Variants in MEG3 observed in about 807,000 individuals in gnomAD.
MEG3 encodes Very putative protein from MEG3 locus.
At chr14:100,832,090 A>AT (rs2037411477), downstream of MEG3, 1 of 148,762 alleles carries the variant, frequency 6.7e-6, no homozygotes, top group Admixed American at 6.9e-5. Flanking sequence ...GGAGAAGAGA[A>AT]TAACTAAACA....
In MEG3 at chr14:100,837,863, C is replaced by G. The variant is rs2037636326; in HGVS notation, n.3045+1563C>G. On this transcript the variant is annotated intron_variant and non_coding_transcript_variant, in intron 2 of 3. Coordinates refer to the MEG3 transcript ENST00000398461. The surrounding 1 kb of genome is among the most constrained non-coding windows in gnomAD (Gnocchi z 5.8). ...GAGGCGCTCTAACCTGGGGCTGTTG[C>G]CTTTGTCTGCTTGTTTCTGCTCTCT... Among the ~76,000 whole-genome samples the G allele has an allele frequency of 6.6e-6, 1 of 151,928 alleles. No homozygotes were observed.
At chr14:100,834,456 C>T (rs773847099) in exon 1 of MEG3, 8 of 312,784 alleles carry the variant, frequency 2.6e-5, no homozygotes, top group Non-Finnish European at 4.4e-5. Flanking sequence ...CCCACGTCCC[C>T]ATCCTGCTTG....
At chr14:100,842,254 T>A (rs1172269090) in intron 2 of MEG3, among the ~76,000 whole-genome samples, 1 of 152,146 alleles carries the variant, frequency 6.6e-6, no homozygotes, top group Non-Finnish European at 1.5e-5. Flanking sequence ...CCTCCGCCAC[T>A]CCATCCATTA....
rs557929585 is a variant in MEG3, at chr14:100,837,231, G to A, written n.3045+931G>A. ...GAAGTTTGGGCTGGCAGGAAGAGAG[G>A]AGGCTCAGCTGAGGCCACTTTCCTT... On this transcript the variant is annotated intron_variant and non_coding_transcript_variant, in intron 2 of 3. Coordinates refer to the MEG3 transcript ENST00000398461. The surrounding 1 kb of genome is among the most constrained non-coding windows in gnomAD (Gnocchi z 5.8). 2.6e-5 allele frequency among the ~76,000 whole-genome samples: 4 copies of A among 152,332 alleles called. No homozygotes were observed. In the East Asian group the frequency reaches 7.7e-4, roughly 29 times the overall value.
rs533175216 is a variant in MEG3, at chr14:100,837,544, C to G, written n.3045+1244C>G. ...CCAGATGCCAATACTCCCCTCTGGA[C>G]GCCCACGAATGGGGTCTCTGAGAAG... is the stretch of plus-strand genomic sequence containing the variant. On this transcript the variant is annotated intron_variant and non_coding_transcript_variant, in intron 2 of 3. Coordinates refer to the MEG3 transcript ENST00000398461. The surrounding 1 kb of genome is among the most constrained non-coding windows in gnomAD (Gnocchi z 5.8). 2.6e-5 allele frequency among the ~76,000 whole-genome samples: 4 copies of G among 152,192 alleles called. No homozygotes were observed. In the South Asian group the frequency reaches 8.3e-4, roughly 32 times the overall value.
At chr14:100,827,246 G>T (rs1240510823) in intron 1 of MEG3, among the ~76,000 whole-genome samples, 2 of 152,074 alleles carry the variant, frequency 1.3e-5, no homozygotes, top group East Asian at 3.9e-4. Flanking sequence ...GGCCTGGTGG[G>T]GGCGCAGGCG....
chr14:100,850,988 G>A (rs2038054841), intron 3 of MEG3: 1 of 152,542 alleles, frequency 6.6e-6, no homozygotes, highest in Non-Finnish European at 1.5e-5. Flanking sequence ...CATGTCATGT[G>A]CTTGTCACAT....
At chr14:100,834,584 C>T (rs546403765) in exon 1 of MEG3, 2 of 417,846 alleles carry the variant, frequency 4.8e-6, no homozygotes, top group African/African-American at 2.0e-5. Flanking sequence ...TTGCCTTCTT[C>T]CTCGTCTTCC....
chr14:100,853,782 C>T (rs919733102), upstream of MEG3: 1 of 152,190 alleles, frequency 6.6e-6, no homozygotes, highest in African/African-American at 2.4e-5. Flanking sequence ...CTGCTTAAAA[C>T]ACCCTTTTTT....
intron 1 of MEG3, among the ~76,000 whole-genome samples, chr14:100,827,849 G>T (rs749916201): frequency 6.6e-6 from 1 of 152,228 alleles, no homozygotes; most frequent in Non-Finnish European, 1.5e-5. Flanking sequence ...TTTAGTGAAC[G>T]TGTGTTTAAT....
intron 2 of MEG3, among the ~76,000 whole-genome samples, chr14:100,842,359 C>T (rs1217610152): frequency 6.6e-6 from 1 of 152,178 alleles, no homozygotes; most frequent in Non-Finnish European, 1.5e-5. Context: ...ATGTAAACAT[C>T]CTCTGTAACC....
intron 3 of MEG3, chr14:100,852,088 G>A (rs1403610092): frequency 1.6e-5 from 5 of 317,552 alleles, no homozygotes; most frequent in South Asian, 9.6e-5. Context: ...TGGGAGGCAG[G>A]GGAGTGGGGT....
At chr14:100,834,806 G>C (rs553988905) in exon 1 of MEG3, 2 of 456,620 alleles carry the variant, frequency 4.4e-6, no homozygotes. Flanking sequence ...TGGGCCATGC[G>C]AAGAGTTCTA....
At chr14:100,826,764 G>A (rs537084397) in intron 1 of MEG3, among the ~76,000 whole-genome samples, 11 of 152,274 alleles carry the variant, frequency 7.2e-5, no homozygotes, top group African/African-American at 2.6e-4. Context: ...GAGGTTTTCC[G>A]AATCCAAATA....
intron 2 of MEG3, among the ~76,000 whole-genome samples, chr14:100,839,415 G>T (rs941125784): frequency 6.6e-6 from 1 of 152,164 alleles, no homozygotes; most frequent in Non-Finnish European, 1.5e-5. Flanking sequence ...TCCCATCCCC[G>T]ATTTGAGCAG....
chr14:100,852,655 G>T (rs960425257), upstream of MEG3: 8 of 294,598 alleles, frequency 2.7e-5, no homozygotes, highest in Admixed American at 1.3e-4. Flanking sequence ...GACCGGGAGG[G>T]TCTTTCAAAA....
At position 100,858,493 on chromosome 14, in the gene MEG3, A is replaced by G. The variant is rs1036732800; in HGVS notation, n.1249A>G. Reference sequence around the variant, plus strand: ...GAGCTGGGTGTTCCTTCTGCTCCCCACTCCCCACTCACGGCCCCCACCCCA... The same window carrying G: ...GAGCTGGGTGTTCCTTCTGCTCCCCGCTCCCCACTCACGGCCCCCACCCCA... On this transcript the variant is annotated non_coding_transcript_exon_variant, in exon 1 of 2. Transcript: ENST00000398460. 5 of 149,898 alleles carry G rather than the reference A, an allele frequency of 3.3e-5. No individual in the cohort carries two copies. The East Asian group carries it at 9.9e-4, about 30-fold the overall frequency. The allele number at this position is 149,898 out of a possible 1,614,324, so 9.3% of individuals were successfully genotyped here.
exon 1 of MEG3, chr14:100,858,444 C>G (rs2038304924): frequency 6.5e-6 from 1 of 152,834 alleles, no homozygotes; most frequent in East Asian, 1.9e-4. Context: ...TCTCACATCC[C>G]CACATTCCAG....
At chr14:100,841,622 G>A (rs966916186) in intron 2 of MEG3, among the ~76,000 whole-genome samples, 3 of 151,854 alleles carry the variant, frequency 2.0e-5, no homozygotes, top group Non-Finnish European at 4.4e-5. Flanking sequence ...GCCAGCTCCT[G>A]TGTGACCTGT....
Sources: gnomAD v4.1 joint callset for allele counts (sites outside exome capture counted in the v4.1 genomes callset) on GRCh38, gnomAD v4.1.1 for gene constraint, Gnocchi (gnomAD v3.1) non-coding constraint, MANE v1.5 for transcripts, NCBI Gene and HGNC (gene_info 2026-07-23, HGNC 2026-07-21) for gene names.